The following MVP variants were observed in gnomAD, a reference collection of about 807,000 sequenced individuals.
MVP encodes the protein lung resistance-related protein.
MVP carries 62 observed loss-of-function variants against 83.5 expected under a neutral mutation model. The observed-to-expected ratio is 0.74, with a 90% confidence interval of 0.61 to 0.92. The LOEUF (loss-of-function observed/expected upper bound fraction) is 0.92. MVP is among the 40% of genes least tolerant of loss of function. MVP has a pLI of 0.00. For missense variants in MVP, 1,000 were observed against 1,203.4 expected (o/e 0.83, Z 2.50); for synonymous variants, 505 against 504.1 (o/e 1.00, Z -0.02).
rs559554087 is a variant in MVP at position 29,842,994 on chromosome 16, C to T, written c.1634+882C>T. Among the ~76,000 whole-genome samples the T allele has an allele frequency of 5.3e-5, 8 of 152,332 alleles. No individual in the cohort carries two copies. In the South Asian group the frequency reaches 1.2e-3, roughly 24 times the overall value. On this transcript the variant is annotated intron_variant, in intron 10 of 14. Coordinates refer to ENST00000357402, the MANE Select transcript of MVP (RefSeq NM_005115.5). ...TTCAGAAACTGACTGCCCTGGCCTG[C>T]GCCCCCGCCCTGCTGTTTGCAGCCT...
chr16:29,847,130 A>G, intron 13 of MVP, 67 bp from the exon 14 acceptor site: 2 of 1,542,002 alleles, frequency 1.3e-6, no homozygotes, highest in African/African-American at 1.4e-5. Flanking sequence ...TCAAGGCTGC[A>G]GTGAGTCCTG....
At chr16:29,826,486 G>T (rs1029003532) in intron 1 of MVP, among the ~76,000 whole-genome samples, 3 of 152,062 alleles carry the variant, frequency 2.0e-5, no homozygotes, top group Non-Finnish European at 4.4e-5. Flanking sequence ...AATTAGCTAG[G>T]TGTGGCAGTA....
intron 6 of MVP, 144 bp from the exon 7 acceptor site, chr16:29,836,578 A>T (rs1232891969): frequency 9.8e-5 from 18 of 182,866 alleles, no homozygotes; most frequent in Admixed American, 1.5e-4. Flanking sequence ...ACTCCGATTT[A>T]AAAAAAAAAA....
chr16:29,835,814 G>A lies in MVP; in HGVS notation c.672+16G>A. ...TACGGAAAAGGTTGGTGCTCTGGGG[G>A]CTGTGGTTTAAGGGACCTGGGGCTA... is the stretch of plus-strand genomic sequence containing the variant. On this transcript the variant is annotated intron_variant, in intron 6 of 14. Transcript: ENST00000357402. The A allele has an allele frequency of 2.5e-6, 4 of 1,611,240 alleles. 1 individual carries two copies. The South Asian group carries it at 3.3e-5, about 13-fold the overall frequency.
In MVP at chr16:29,847,909, C is replaced by T. The variant is rs1185521295; in HGVS notation, c.2602C>T (p.Pro868Ser). 5 of 1,613,916 alleles carry T rather than the reference C, an allele frequency of 3.1e-6. No homozygotes were observed. In the Admixed American group the frequency reaches 5.0e-5, roughly 16 times the overall value. The change falls in exon 15 of 15, where the codon CCT becomes TCT. Residue 868 changes from proline (P) to serine (S), a missense_variant. Physicochemically the swap from Pro to Ser is moderately conservative, Grantham distance 74 (BLOSUM62 -1). Transcript: ENST00000357402. ...LGRRVASGPS[P>S]GEGISPQSAQ... is the part of the protein sequence containing the mutation. The stretch of plus-strand genomic sequence containing the variant: ...CAGAAGGGTGGCCAGTGGGCCCAGC[C>T]CTGGGGAGGGGATATCCCCCCAGTC...
Position 29,847,938 on chromosome 16 carries a change from T to C in MVP, c.2631T>C (p.Ala877=), listed in dbSNP as rs1567397826. The change falls in exon 15 of 15, where the codon GCT becomes GCC. Residue 877 remains alanine, a synonymous_variant. Transcript: ENST00000357402. The part of the protein sequence containing the change: ...SPGEGISPQS[A]QAPQAPGDNH... ...GGGAGGGGATATCCCCCCAGTCTGCTCAGGCCCCTCAAGCTCCTGGAGACA... is the reference window on the plus strand; with the variant it reads ...GGGAGGGGATATCCCCCCAGTCTGCCCAGGCCCCTCAAGCTCCTGGAGACA... 2 of 1,612,452 alleles carry C rather than the reference T, an allele frequency of 1.2e-6. No individual in the cohort carries two copies. Among genetic ancestry groups the C allele is most frequent in the Non-Finnish European group, 1.7e-6 (2 of 1,179,530 alleles).
chr16:29,844,943 T>TAAC (rs1330814862), intron 11 of MVP, 64 bp downstream of exon 11: 7 of 1,534,528 alleles, frequency 4.6e-6, no homozygotes, highest in Non-Finnish European at 6.1e-6. Context: ...GGGAACTGGA[T>TAAC]AACCTGGCAT....
chr16:29,842,178 G>A, intron 10 of MVP, 66 bp downstream of exon 10: 1 of 1,497,716 alleles, frequency 6.7e-7, no homozygotes, highest in South Asian at 1.2e-5. Context: ...GGCTGAGGTG[G>A]GAGGATCACT....
At chr16:29,845,806 C>T (rs1038849010) in intron 11 of MVP, 57 bp from the exon 12 acceptor site, 3 of 1,536,540 alleles carry the variant, frequency 2.0e-6, no homozygotes, top group African/African-American at 1.4e-5. Flanking sequence ...GCCCTTGGCG[C>T]TCCTGTTCCT....
At chr16:29,835,882 A>G in intron 6 of MVP, 84 bp downstream of exon 6, 1 of 1,083,110 alleles carries the variant, frequency 9.2e-7, no homozygotes, top group Non-Finnish European at 1.4e-6. Flanking sequence ...GAATGGCATG[A>G]GAGTAAAAGA....
rs191855136 is a variant in MVP at position 29,831,061 on chromosome 16, G to A, written c.309G>A (p.Glu103=). Reference sequence around the variant, plus strand: ...ACCCCTTCCCCCTGTACCCAGGGGAGGTGCTGGAAAAGGTACCTGGTTTCC... The same window carrying A: ...ACCCCTTCCCCCTGTACCCAGGGGAAGTGCTGGAAAAGGTACCTGGTTTCC... The part of the protein sequence containing the change: ...AQDPFPLYPG[E]VLEKDITPLQ... The change falls in exon 3 of 15, where the codon GAG becomes GAA. Residue 103 remains glutamate, a synonymous_variant. Coordinates refer to ENST00000357402, the MANE Select transcript of MVP (RefSeq NM_005115.5). 18 of 1,612,054 alleles carry A rather than the reference G, an allele frequency of 1.1e-5. No homozygotes were observed. The Admixed American group carries it at 2.2e-4, about 19-fold the overall frequency.
chr16:29,836,856 G>A lies in MVP; in HGVS notation c.807G>A (p.Gly269=). The A allele has an allele frequency of 6.2e-7, 1 of 1,613,996 alleles. No individual in the cohort carries two copies. The highest frequency in any genetic ancestry group is 8.5e-7 in the Non-Finnish European group (1 of 1,179,988). ...HVPDVHEEVL[G]VVPITTLGPH... ...CAGATGTCCACGAGGAGGTGCTGGGGGTTGTGCCCATCACCACCCTGGGCC... is the reference window on the plus strand; with the variant it reads ...CAGATGTCCACGAGGAGGTGCTGGGAGTTGTGCCCATCACCACCCTGGGCC... The change falls in exon 7 of 15, where the codon GGG becomes GGA. Residue 269 remains glycine (G), a synonymous_variant. Transcript: ENST00000357402.
chr16:29,843,532 G>T, intron 10 of MVP, among the ~76,000 whole-genome samples: 1 of 35,350 alleles, frequency 2.8e-5, no homozygotes, highest in East Asian at 6.5e-4. Context: ...AAGGGAGGAA[G>T]GGAGGAAGGG....
In MVP at chr16:29,840,403, G is replaced by A; in HGVS notation, c.1135G>A (p.Ala379Thr). ...AGTGGAGGTGGTGGAGGAGCGCCAG[G>A]CCATCCCTCTAGACGAGAACGAGGG... ...AKVEVVEERQAIPLDENEGIY... is the reference protein window; with the variant it reads ...AKVEVVEERQTIPLDENEGIY... The change falls in exon 8 of 15, where the codon GCC becomes ACC. Residue 379 changes from alanine (A) to threonine (T), a missense_variant. Physicochemically the swap from Ala to Thr is moderately conservative, Grantham distance 58. Coordinates refer to ENST00000357402, the MANE Select transcript of MVP (RefSeq NM_005115.5). The A allele has an allele frequency of 6.3e-7, 1 of 1,591,022 alleles. No individual in the cohort carries two copies.
chr16:29,824,211 CA>C (rs61338952), intron 1 of MVP, among the ~76,000 whole-genome samples: 538 of 39,636 alleles, frequency 0.014, 2 homozygotes, highest in South Asian at 0.026. Context: ...AACTCCATCT[CA>C]AAAAAAAAAA....
rs1448901182 is a variant in MVP, at chr16:29,823,974, C to G, written c.-36+3464C>G. Reference sequence around the variant, plus strand: ...CTCCAGAAGGCCTGGCGCGGCAGATCACACCTGTTATCCTAGCCCTTTGGG... The same window carrying G: ...CTCCAGAAGGCCTGGCGCGGCAGATGACACCTGTTATCCTAGCCCTTTGGG... On this transcript the variant is annotated intron_variant, in intron 1 of 14. Transcript: ENST00000357402. Among the ~76,000 whole-genome samples the G allele has an allele frequency of 1.3e-5, 2 of 151,866 alleles. 1 individual carries two copies. Among genetic ancestry groups the G allele is most frequent in the East Asian group, 3.9e-4 (2 of 5,156 alleles).
intron 1 of MVP, among the ~76,000 whole-genome samples, chr16:29,823,122 C>CTTTT (rs66512916): frequency 1.5e-3 from 150 of 98,442 alleles, no homozygotes; most frequent in African/African-American, 2.3e-3. Flanking sequence ...CTTTTCTTTT[C>CTTTT]TTTTTTTTTT....
rs776796444 is a variant in MVP, at chr16:29,833,736, A to G, written c.325A>G (p.Ile109Val). 2 of 1,613,956 alleles carry G rather than the reference A, an allele frequency of 1.2e-6. No individual in the cohort carries two copies. Among genetic ancestry groups the G allele is most frequent in the Non-Finnish European group, 1.7e-6 (2 of 1,179,962 alleles). ...TCTCCACCTTCTTCCCCACTAGGACATCACACCCCTGCAGGTGGTTCTGCC... is the reference window on the plus strand; with the variant it reads ...TCTCCACCTTCTTCCCCACTAGGACGTCACACCCCTGCAGGTGGTTCTGCC... ...LYPGEVLEKD[I>V]TPLQVVLPNT... Residue 109 changes from isoleucine (I) to valine (V), a missense_variant, in exon 4 of 15, where the codon ATC becomes GTC. Physicochemically the swap from Ile to Val is conservative, Grantham distance 29 (BLOSUM62 3). Transcript: ENST00000357402.
Position 29,844,689 on chromosome 16 carries a change from G to T in MVP, c.1831G>T (p.Ala611Ser). 3.1e-6 allele frequency: 5 copies of T among 1,614,102 alleles called. No homozygotes were observed. Among genetic ancestry groups the T allele is most frequent in the Non-Finnish European group, 4.2e-6 (5 of 1,180,016 alleles). Residue 611 changes from alanine (A) to serine (S), a missense_variant, in exon 11 of 15, where the codon GCG (alanine) becomes TCG (serine). By Grantham distance (99) the Ala-to-Ser change is moderately conservative (BLOSUM62 1). Coordinates refer to ENST00000357402, the MANE Select transcript of MVP (RefSeq NM_005115.5). ...TAVFGFETSE[A>S]KGPDGMALPR... Reference sequence around the variant, plus strand: ...TGTCTTTGGCTTTGAGACCTCGGAAGCGAAGGGCCCCGATGGCATGGCCCT... The same window carrying T: ...TGTCTTTGGCTTTGAGACCTCGGAATCGAAGGGCCCCGATGGCATGGCCCT...
Sources: gnomAD v4.1 joint callset for allele counts (sites outside exome capture counted in the v4.1 genomes callset) on GRCh38, gnomAD v4.1.1 for gene constraint, MANE v1.5 for transcripts, NCBI Gene and HGNC (gene_info 2026-07-23, HGNC 2026-07-21) for gene names.